The following AKAP6 variants were observed in gnomAD, a reference collection of about 807,000 sequenced individuals.
AKAP6 encodes the protein A-kinase anchoring protein 6.
In AKAP6, 58 loss-of-function variants were observed where a neutral mutation model predicts 188.5. The ratio of observed to expected loss-of-function variants is 0.31; its 90% CI spans 0.25 to 0.38. The LOEUF (loss-of-function observed/expected upper bound fraction) is 0.38, where lower values mean the gene tolerates loss of function less well. Ranked by LOEUF, AKAP6 falls within the 10% of genes least tolerant of loss-of-function variation. The probability of loss-of-function intolerance (pLI) is 1.00; values close to 1 mark genes in which losing one functional copy is unlikely to be tolerated. For missense variants in AKAP6, 2,710 were observed against 2,740.0 expected (o/e 0.99, Z 0.24); for synonymous variants, 989 against 998.6 (o/e 0.99, Z 0.18).
chr14:32,828,525 TCTCTCACACACACACA>T (rs143179081), intron 13 of AKAP6, among the ~76,000 whole-genome samples: 17,276 of 96,394 alleles, frequency 0.18, 1,246 homozygotes, highest in Middle Eastern at 0.32. Context: ...TCTCTCTCTC[TCTCTCACACACACACA>T]CACACACACA....
chr14:32,675,385 G>T (rs1396175704), intron 7 of AKAP6, among the ~76,000 whole-genome samples: 1 of 152,108 alleles, frequency 6.6e-6, no homozygotes, highest in African/African-American at 2.4e-5. Context: ...GTTTCCATGT[G>T]TAAAATATAG....
intron 1 of AKAP6, among the ~76,000 whole-genome samples, chr14:32,356,600 T>C (rs746630455): frequency 6.6e-6 from 1 of 152,144 alleles, no homozygotes; most frequent in Non-Finnish European, 1.5e-5. Context: ...CTTCAATGAC[T>C]CTCCTTTGCC....
intron 9 of AKAP6, among the ~76,000 whole-genome samples, chr14:32,705,889 G>T (rs1009808843): frequency 2.0e-5 from 3 of 152,146 alleles, no homozygotes; most frequent in African/African-American, 7.2e-5. Flanking sequence ...AGAAAAGGGA[G>T]CTCTAGCGGG....
intron 2 of AKAP6, among the ~76,000 whole-genome samples, chr14:32,454,115 A>G (rs950362003): frequency 1.3e-5 from 2 of 152,186 alleles, no homozygotes; most frequent in Non-Finnish European, 2.9e-5. Context: ...GTCAGCCTGC[A>G]AAACAAACCA....
chr14:32,752,386 G>A (rs568748451), intron 11 of AKAP6, among the ~76,000 whole-genome samples: 48 of 152,240 alleles, frequency 3.2e-4, no homozygotes, highest in African/African-American at 1.1e-3. Flanking sequence ...AGTCCTATTA[G>A]GAGGTTGCTA....
chr14:32,807,068 AAATAT>A (rs2034108236), intron 12 of AKAP6, among the ~76,000 whole-genome samples: 1 of 71,624 alleles, frequency 1.4e-5, no homozygotes, highest in South Asian at 3.9e-4. Context: ...AAAGGGGGGG[AAATAT>A]ATATATATAT....
intron 7 of AKAP6, among the ~76,000 whole-genome samples, chr14:32,630,896 G>A (rs1179325456): frequency 6.6e-6 from 1 of 152,044 alleles, no homozygotes; most frequent in Non-Finnish European, 1.5e-5. Flanking sequence ...CTAACATTCT[G>A]ATGTAGTCAG....
chr14:32,362,787 A>G (rs936700283), intron 1 of AKAP6, among the ~76,000 whole-genome samples: 2 of 152,180 alleles, frequency 1.3e-5, no homozygotes, highest in Admixed American at 6.5e-5. Context: ...GCACAATCAG[A>G]TCTATTTTTA....
chr14:32,523,374 C>T (rs1881954703), intron 2 of AKAP6, among the ~76,000 whole-genome samples: 1 of 151,976 alleles, frequency 6.6e-6, no homozygotes, highest in African/African-American at 2.4e-5. Context: ...AATACATTAA[C>T]AGATCTAGGC....
chr14:32,363,399 G>C (rs908143173), intron 1 of AKAP6, among the ~76,000 whole-genome samples: 1 of 152,158 alleles, frequency 6.6e-6, no homozygotes, highest in African/African-American at 2.4e-5. Flanking sequence ...TGATCACAAG[G>C]TGAAGTCCCA....
At chr14:32,677,591 G>A (rs1889487375) in intron 7 of AKAP6, among the ~76,000 whole-genome samples, 1 of 152,150 alleles carries the variant, frequency 6.6e-6, no homozygotes, top group African/African-American at 2.4e-5. Context: ...AAAGCCACAG[G>A]AATCACAACA....
chr14:32,753,788 A>G (rs1002778989), intron 11 of AKAP6, among the ~76,000 whole-genome samples: 4 of 152,044 alleles, frequency 2.6e-5, no homozygotes, highest in East Asian at 1.9e-4. Context: ...TTATTTTCCC[A>G]TGGCGTGTTC....
At chr14:32,577,344 A>G in intron 5 of AKAP6, 102 bp downstream of exon 5, 1 of 1,501,056 alleles carries the variant, frequency 6.7e-7, no homozygotes, top group Non-Finnish European at 8.9e-7. Flanking sequence ...AAAGGTTACT[A>G]TATGTCAATG....
At chr14:32,722,888 T>C (rs1566667214) in intron 9 of AKAP6, among the ~76,000 whole-genome samples, 1 of 152,166 alleles carries the variant, frequency 6.6e-6, no homozygotes, top group Non-Finnish European at 1.5e-5. Context: ...TCAAGCTGAC[T>C]CTTCGCTAAG....
intron 9 of AKAP6, among the ~76,000 whole-genome samples, chr14:32,718,766 A>G (rs1398415750): frequency 1.3e-5 from 2 of 152,180 alleles, no homozygotes; most frequent in South Asian, 2.1e-4. Context: ...ATCACACTGT[A>G]CTCATTTCTG....
rs538591808 is a variant in AKAP6 at position 32,705,844 on chromosome 14, GCCA to G, written c.3000+9737_3000+9739del. ...CTCTTAGACTTAGGCTAATGGCACA[GCCA>G]CCGTCTTAAATATTCCCTTACTATG... is the stretch of plus-strand genomic sequence containing the variant. On this transcript the variant is annotated intron_variant, in intron 9 of 13. Coordinates refer to ENST00000280979, the MANE Select transcript of AKAP6 (RefSeq NM_004274.5). Among the ~76,000 whole-genome samples the G allele has an allele frequency of 1.1e-4, 16 of 152,284 alleles. No homozygotes were observed. The South Asian group carries it at 3.1e-3, about 30-fold the overall frequency.
chr14:32,346,880 C>T (rs989241008), intron 1 of AKAP6, among the ~76,000 whole-genome samples: 4 of 152,196 alleles, frequency 2.6e-5, no homozygotes, highest in Admixed American at 6.5e-5. Context: ...TCACAGTAAC[C>T]ACCCAAAAAG....
chr14:32,560,468 G>A (rs1883908036), intron 4 of AKAP6, among the ~76,000 whole-genome samples: 1 of 152,184 alleles, frequency 6.6e-6, no homozygotes, highest in Admixed American at 6.5e-5. Context: ...CCGTGAGGCT[G>A]TATCCAGTCA....
rs564883574 is a variant in AKAP6 at position 32,607,925 on chromosome 14, G to A, written c.2730+7133G>A. On this transcript the variant is annotated intron_variant, in intron 7 of 13. Coordinates refer to ENST00000280979, the MANE Select transcript of AKAP6 (RefSeq NM_004274.5). ...TAGCCCCTTTTTTTCGTTATCAGAA[G>A]GGCAACTTTTCTTCAAAAATATTTT... Among the ~76,000 whole-genome samples the A allele has an allele frequency of 2.0e-5, 3 of 152,168 alleles. No homozygotes were observed. In the South Asian group the frequency reaches 6.2e-4, roughly 32 times the overall value.
Sources: allele counts gnomAD v4.1 joint callset (sites outside exome capture counted in the v4.1 genomes callset), GRCh38; gene constraint gnomAD v4.1.1; transcripts MANE v1.5; gene names NCBI Gene and HGNC (gene_info 2026-07-23, HGNC 2026-07-21).